UGT2A2: variants seen among roughly 807,000 people sequenced by gnomAD.
The protein encoded by UGT2A2 is UDP-glucuronosyltransferase 2A2.
Under a neutral mutation model 50.7 loss-of-function variants are expected in UGT2A2, and 60 were observed. The observed-to-expected ratio is 1.18, with a 90% confidence interval of 0.96 to 1.47. The LOEUF (loss-of-function observed/expected upper bound fraction) is 1.47, where lower values mean the gene tolerates loss of function less well. Ranked by LOEUF, UGT2A2 falls within the 40% of genes most tolerant of loss-of-function variation. The probability of loss-of-function intolerance (pLI) is 0.00; values close to 1 mark genes in which losing one functional copy is unlikely to be tolerated. For synonymous variants in UGT2A2, 242 were observed against 214.6 expected (o/e 1.13, Z -1.11); for missense variants, 762 against 634.0 (o/e 1.20, Z -2.17).
chr4:69,625,146 TGAG>T (rs1720971134), intron 1 of UGT2A2, among the ~76,000 whole-genome samples: 1 of 146,250 alleles, frequency 6.8e-6, no homozygotes, highest in Admixed American at 6.8e-5. Context: ...TTGCTTTCAA[TGAG>T]AAGTCTGTTT....
rs190756407 is a variant in UGT2A2, at chr4:69,615,107, T to G, written c.743-15713A>C. 2.1e-3 allele frequency among the ~76,000 whole-genome samples: 324 copies of G among 152,082 alleles called. 2 individuals carry two copies. The highest frequency in any genetic ancestry group is 3.8e-3 in the Admixed American group (58 of 15,230). On this transcript the variant is annotated intron_variant, in intron 1 of 5. Coordinates refer to ENST00000604629, the MANE Select transcript of UGT2A2 (RefSeq NM_001105677.2). Reference sequence around the variant, plus strand: ...TTTCAACAGATCCCTCCCCCAACATTTTGAATTACAATTCAACATGAGATT... The same window carrying G: ...TTTCAACAGATCCCTCCCCCAACATGTTGAATTACAATTCAACATGAGATT...
intron 1 of UGT2A2, among the ~76,000 whole-genome samples, chr4:69,632,669 C>G (rs769938513): frequency 3.2e-4 from 49 of 152,014 alleles, no homozygotes; most frequent in South Asian, 2.1e-4. Flanking sequence ...GCGGGCAGAT[C>G]ACAAAGTCAA....
intron 1 of UGT2A2, among the ~76,000 whole-genome samples, chr4:69,631,657 G>A (rs998471080): frequency 2.0e-5 from 3 of 152,176 alleles, no homozygotes; most frequent in African/African-American, 7.2e-5. Flanking sequence ...GGAGAGGAGT[G>A]TGTACATGGG....
At chr4:69,624,798 AT>A (rs759287336) in intron 1 of UGT2A2, among the ~76,000 whole-genome samples, 1 of 151,394 alleles carries the variant, frequency 6.6e-6, no homozygotes, top group South Asian at 2.1e-4. Context: ...TGTAGTTATC[AT>A]TTTGGTTTTA....
intron 5 of UGT2A2, among the ~76,000 whole-genome samples, chr4:69,592,885 A>C (rs891197311): frequency 1.7e-4 from 26 of 152,110 alleles, no homozygotes; most frequent in Admixed American, 7.2e-4. Context: ...GACACAGTAT[A>C]ATTGAAGAAA....
intron 1 of UGT2A2, among the ~76,000 whole-genome samples, chr4:69,624,850 T>A (rs939961206): frequency 6.6e-6 from 1 of 151,380 alleles, no homozygotes; most frequent in Non-Finnish European, 1.5e-5. Context: ...TAACATTTTT[T>A]AAGTCTTTTT....
In UGT2A2 at chr4:69,596,301, T is replaced by C. The variant is rs1441432085; in HGVS notation, c.972A>G (p.Thr324=). 1.2e-6 allele frequency: 2 copies of C among 1,608,286 alleles called. No individual in the cohort carries two copies. Among genetic ancestry groups the C allele is most frequent in the South Asian group, 2.2e-5 (2 of 90,404 alleles). ...AGGCAATAAGATTGGCCTTTTCTTC[T>C]GTAAGGTTTTTGACCATTGATCCCA... The part of the protein sequence containing the change: ...FSLGSMVKNL[T]EEKANLIASA... The change falls in exon 3 of 6, where the codon ACA becomes ACG. Residue 324 remains threonine, a synonymous_variant. Transcript: ENST00000604629.
In UGT2A2 at chr4:69,612,815, A is replaced by G. The variant is rs533074784; in HGVS notation, c.743-13421T>C. Reference sequence around the variant, plus strand: ...AGGATATTATGTATTGACATCAGCCATGGCAAAGAACTTTTGGCTAAGTCC... The same window carrying G: ...AGGATATTATGTATTGACATCAGCCGTGGCAAAGAACTTTTGGCTAAGTCC... On this transcript the variant is annotated intron_variant, in intron 1 of 5. Coordinates refer to ENST00000604629, the MANE Select transcript of UGT2A2 (RefSeq NM_001105677.2). 3.9e-5 allele frequency among the ~76,000 whole-genome samples: 6 copies of G among 151,908 alleles called. No individual in the cohort carries two copies. In the South Asian group the frequency reaches 1.2e-3, roughly 32 times the overall value.
intron 1 of UGT2A2, among the ~76,000 whole-genome samples, chr4:69,638,523 T>C (rs1425730759): frequency 6.6e-6 from 1 of 152,084 alleles, no homozygotes; most frequent in Non-Finnish European, 1.5e-5. Context: ...AAGAAAATAA[T>C]GAAGGACAAA....
intron 4 of UGT2A2, 100 bp downstream of exon 4, chr4:69,595,062 T>G: frequency 6.8e-7 from 1 of 1,460,722 alleles, no homozygotes; most frequent in Non-Finnish European, 9.4e-7. Flanking sequence ...TCAAATAACA[T>G]TTTAAATTAT....
intron 1 of UGT2A2, chr4:69,603,596 G>T (rs913941789): frequency 7.3e-6 from 1 of 136,836 alleles, no homozygotes; most frequent in Non-Finnish European, 1.6e-5. Context: ...AGAGAAGAAG[G>T]CTTCAAACGA....
intron 1 of UGT2A2, among the ~76,000 whole-genome samples, chr4:69,618,368 T>C (rs1419744695): frequency 6.6e-6 from 1 of 151,718 alleles, no homozygotes; most frequent in Non-Finnish European, 1.5e-5. Flanking sequence ...TCAATCTAAT[T>C]GGGAGATTCC....
chr4:69,614,253 A>G (rs1411068904), intron 1 of UGT2A2, among the ~76,000 whole-genome samples: 1 of 152,030 alleles, frequency 6.6e-6, no homozygotes, highest in African/African-American at 2.4e-5. Flanking sequence ...ACCTAAGAAT[A>G]AACTGAATCA....
intron 1 of UGT2A2, among the ~76,000 whole-genome samples, chr4:69,609,392 G>A (rs1719893231): frequency 6.6e-6 from 1 of 151,682 alleles, no homozygotes; most frequent in African/African-American, 2.4e-5. Context: ...TAGAGATGAT[G>A]TCTCTCTCTG....
chr4:69,625,644 C>T (rs1414018159), intron 1 of UGT2A2, among the ~76,000 whole-genome samples: 2 of 151,048 alleles, frequency 1.3e-5, no homozygotes, highest in African/African-American at 4.8e-5. Context: ...TATATGCTTA[C>T]TTTTATGTTC....
chr4:69,594,758 G>A (rs998221757), intron 4 of UGT2A2, 62 bp from the exon 5 acceptor site: 1 of 1,534,822 alleles, frequency 6.5e-7, no homozygotes, highest in African/African-American at 1.4e-5. Context: ...GAATTTGAGA[G>A]ACAGAAGGGG....
chr4:69,607,641 A>G (rs1230305864), intron 1 of UGT2A2, among the ~76,000 whole-genome samples: 1 of 152,166 alleles, frequency 6.6e-6, no homozygotes, highest in Non-Finnish European at 1.5e-5. Context: ...CAACCTACAG[A>G]ATGGGAGAAA....
chr4:69,628,601 G>GA (rs1027668568), intron 1 of UGT2A2, among the ~76,000 whole-genome samples: 7 of 150,916 alleles, frequency 4.6e-5, no homozygotes, highest in African/African-American at 9.7e-5. Flanking sequence ...CAAATTTGAT[G>GA]AAAAAAATTC....
chr4:69,610,799 C>T (rs559893190), intron 1 of UGT2A2, among the ~76,000 whole-genome samples: 9 of 152,136 alleles, frequency 5.9e-5, no homozygotes, highest in African/African-American at 1.2e-4. Flanking sequence ...TGATTTTGGA[C>T]GTCTAGCCAT....
Sources: allele counts gnomAD v4.1 joint callset (sites outside exome capture counted in the v4.1 genomes callset), GRCh38; gene constraint gnomAD v4.1.1; transcripts MANE v1.5; gene names NCBI Gene and HGNC (gene_info 2026-07-23, HGNC 2026-07-21).